Variants in PGM2L1 observed in about 807,000 individuals in gnomAD.
The protein encoded by PGM2L1 is glucose 1,6-bisphosphate synthase.
Under a neutral mutation model 73.4 loss-of-function variants are expected in PGM2L1, and 35 were observed. The ratio of observed to expected loss-of-function variants is 0.48; its 90% CI spans 0.36 to 0.63. The LOEUF (loss-of-function observed/expected upper bound fraction) is 0.63. PGM2L1 is among the 30% of genes least tolerant of loss of function. The pLI is 0.00. For missense variants in PGM2L1, 570 were observed against 742.0 expected (o/e 0.77, Z 2.69); for synonymous variants, 225 against 253.8 (o/e 0.89, Z 1.08).
intron 5 of PGM2L1, chr11:74,354,383 G>T: frequency 1.7e-6 from 1 of 577,206 alleles, no homozygotes. Flanking sequence ...TCAGCTTACT[G>T]CTTTCTGCCC....
chr11:74,365,926 G>A (rs1451993430), intron 5 of PGM2L1, among the ~76,000 whole-genome samples: 10 of 152,004 alleles, frequency 6.6e-5, no homozygotes, highest in South Asian at 6.2e-4. Context: ...TGTTTATTGC[G>A]GCACTATTCA....
intron 1 of PGM2L1, among the ~76,000 whole-genome samples, chr11:74,377,555 A>G (rs1476632414): frequency 1.3e-5 from 2 of 152,214 alleles, no homozygotes; most frequent in Non-Finnish European, 2.9e-5. Context: ...TTTATATATC[A>G]TCTAGAAGTA....
At chr11:74,368,945 C>T (rs979818447) in intron 4 of PGM2L1, among the ~76,000 whole-genome samples, 3 of 150,310 alleles carry the variant, frequency 2.0e-5, no homozygotes, top group East Asian at 1.9e-4. Flanking sequence ...TAAATACCTA[C>T]AGGCAGTCCT....
chr11:74,345,538 A>G lies in PGM2L1; in HGVS notation c.1149T>C (p.Tyr383=), dbSNP rs369402960. 7.4e-6 allele frequency: 12 copies of G among 1,613,490 alleles called. No individual in the cohort carries two copies. The African/African-American group carries it at 1.6e-4, about 22-fold the overall frequency. Residue 383 remains tyrosine (Y), a synonymous_variant, in exon 9 of 14, where the codon TAT becomes TAC. Transcript: ENST00000298198. ...KSRNADVKNV[Y]MLATTVSSKI... ...TAGAAGAGACTGTGGTGGCTAACAT[A>G]TAAACGTTCTTCACATCAGCATTTC... is the stretch of plus-strand genomic sequence containing the variant.
At chr11:74,395,326 T>C (rs1342800059) in intron 1 of PGM2L1, among the ~76,000 whole-genome samples, 1 of 152,122 alleles carries the variant, frequency 6.6e-6, no homozygotes, top group Non-Finnish European at 1.5e-5. Context: ...AGAGGCACTT[T>C]AAATACAAAT....
At chr11:74,358,033 G>A (rs956841761) in intron 5 of PGM2L1, among the ~76,000 whole-genome samples, 1 of 152,210 alleles carries the variant, frequency 6.6e-6, no homozygotes, top group Non-Finnish European at 1.5e-5. Flanking sequence ...GGATGAATAG[G>A]CAGAACACAG....
At chr11:74,394,307 A>G (rs1863143450) in intron 1 of PGM2L1, among the ~76,000 whole-genome samples, 2 of 152,360 alleles carry the variant, frequency 1.3e-5, no homozygotes, top group South Asian at 4.1e-4. Flanking sequence ...TGTACCATAC[A>G]TTAATAAAAC....
intron 1 of PGM2L1, among the ~76,000 whole-genome samples, chr11:74,382,491 A>G (rs1023196230): frequency 1.3e-5 from 2 of 151,276 alleles, no homozygotes; most frequent in African/African-American, 4.9e-5. Flanking sequence ...TGTATTTACT[A>G]TTTTTATTTT....
intron 9 of PGM2L1, 54 bp from the exon 10 acceptor site, chr11:74,343,470 TAG>T (rs1862214886): frequency 6.3e-7 from 1 of 1,578,884 alleles, no homozygotes; most frequent in African/African-American, 1.4e-5. Flanking sequence ...AAATACCTAT[TAG>T]AGAAAAATCT....
intron 6 of PGM2L1, among the ~76,000 whole-genome samples, chr11:74,349,382 G>A (rs1164443628): frequency 6.6e-6 from 1 of 152,094 alleles, no homozygotes. Context: ...AATTCATTGA[G>A]GTGATTATTC....
At chr11:74,377,363 G>C (rs1348429996) in intron 1 of PGM2L1, among the ~76,000 whole-genome samples, 1 of 152,038 alleles carries the variant, frequency 6.6e-6, no homozygotes, top group East Asian at 1.9e-4. Context: ...TCGATCTCCT[G>C]ACCTCATGAT....
At chr11:74,355,628 T>C in intron 5 of PGM2L1, 2 of 457,082 alleles carry the variant, frequency 4.4e-6, no homozygotes, top group Non-Finnish European at 8.5e-6. Flanking sequence ...CTCTGGCCCC[T>C]ATGGTGGTGG....
Position 74,347,133 on chromosome 11 carries a change from T to C in PGM2L1, c.939+15A>G. 2.0e-6 allele frequency: 3 copies of C among 1,506,006 alleles called. No homozygotes were observed. Among genetic ancestry groups the C allele is most frequent in the Non-Finnish European group, 2.7e-6 (3 of 1,124,316 alleles). The allele number at this position is 1,506,006 out of a possible 1,614,324, so 93.3% of individuals were successfully genotyped here. ...TTTAATAAACTAATAATAATTTAAA[T>C]ATTTAAAAAAATACCAGCACAGATT... On this transcript the variant is annotated intron_variant, in intron 7 of 13. Transcript: ENST00000298198.
intron 10 of PGM2L1, 51 bp downstream of exon 10, chr11:74,343,272 A>C (rs1284374148): frequency 6.6e-7 from 1 of 1,526,714 alleles, no homozygotes; most frequent in Non-Finnish European, 8.7e-7. Context: ...ACAGAATTAC[A>C]TTTTAAAAAT....
chr11:74,398,333 G>C lies in PGM2L1; in HGVS notation c.-172C>G. On this transcript the variant is annotated 5_prime_UTR_variant, in exon 1 of 14. Coordinates refer to ENST00000298198, the MANE Select transcript of PGM2L1 (RefSeq NM_173582.6). ...CTGCCGCGGCGTCAGGGAACCGGGA[G>C]AGAGGGGGTTTATGGCCGCCTGCTC... 9.3e-7 allele frequency: 1 copy of C among 1,080,842 alleles called. No individual in the cohort carries two copies. 67.0% of individuals were successfully genotyped at this position (1,080,842 alleles called of 1,614,324 possible).
intron 1 of PGM2L1, among the ~76,000 whole-genome samples, chr11:74,377,614 A>G (rs768700422): frequency 1.3e-5 from 2 of 152,152 alleles, no homozygotes; most frequent in Non-Finnish European, 2.9e-5. Context: ...TCTGAAGGGG[A>G]TATTAGGCAT....
intron 3 of PGM2L1, among the ~76,000 whole-genome samples, chr11:74,371,507 T>C (rs1591183931): frequency 6.6e-6 from 1 of 152,324 alleles, no homozygotes; most frequent in East Asian, 1.9e-4. Context: ...CTAAATATTT[T>C]AAATTTTTAC....
At chr11:74,385,143 G>GT (rs1863001447) in intron 1 of PGM2L1, among the ~76,000 whole-genome samples, 1 of 152,212 alleles carries the variant, frequency 6.6e-6, no homozygotes, top group African/African-American at 2.4e-5. Context: ...TATTTTGTCT[G>GT]TTTTTTCCAG....
intron 5 of PGM2L1, among the ~76,000 whole-genome samples, chr11:74,360,734 C>T (rs1862549262): frequency 6.6e-6 from 1 of 152,216 alleles, no homozygotes; most frequent in Admixed American, 6.5e-5. Context: ...TCTTAGCAAA[C>T]CGCACACCAG....
Sources: gnomAD v4.1 joint callset for allele counts (sites outside exome capture counted in the v4.1 genomes callset) on GRCh38, gnomAD v4.1.1 for gene constraint, MANE v1.5 for transcripts, NCBI Gene and HGNC (gene_info 2026-07-23, HGNC 2026-07-21) for gene names.